Variants in PKHD1 observed in about 807,000 individuals in gnomAD.
PKHD1 encodes the protein fibrocystin.
A neutral mutation model predicts 412.0 loss-of-function variants in PKHD1; 291 were observed. The ratio of observed to expected loss-of-function variants is 0.71; its 90% CI spans 0.64 to 0.78. PKHD1 has a LOEUF of 0.78. Among genes scored for constraint, PKHD1 ranks in the 30% least tolerant of loss-of-function variants. The pLI, the probability that PKHD1 is intolerant of heterozygous loss-of-function variation, is 0.00. For synonymous variants in PKHD1, 1,777 were observed against 1,821.5 expected (o/e 0.98, Z 0.62); for missense variants, 4,825 against 4,950.7 (o/e 0.97, Z 0.76).
intron 36 of PKHD1, among the ~76,000 whole-genome samples, chr6:51,955,106 A>G (rs1790913316): frequency 1.3e-5 from 2 of 152,102 alleles, no homozygotes; most frequent in Admixed American, 1.3e-4. Context: ...AATTAACTAA[A>G]TCAAGGCAAT....
chr6:51,834,169 A>C (rs1177343906), intron 51 of PKHD1, among the ~76,000 whole-genome samples: 1 of 152,118 alleles, frequency 6.6e-6, no homozygotes, highest in Non-Finnish European at 1.5e-5. Context: ...TTTTGTTTTT[A>C]AATGGGAGGC....
At chr6:51,625,578 C>T (rs1457715266) in intron 66 of PKHD1, among the ~76,000 whole-genome samples, 1 of 152,148 alleles carries the variant, frequency 6.6e-6, no homozygotes, top group Non-Finnish European at 1.5e-5. Context: ...AACTTTTCCA[C>T]AGAGCCCTTT....
rs373157693 is a variant in PKHD1, at chr6:52,033,680, G to A, written c.3229-515C>T. Among the ~76,000 whole-genome samples the A allele has an allele frequency of 5.9e-5, 9 of 151,714 alleles. 2 individuals carry two copies. Among genetic ancestry groups the A allele is most frequent in the East Asian group, 5.8e-4 (3 of 5,176 alleles). On this transcript the variant is annotated intron_variant, in intron 28 of 66. Transcript: ENST00000371117. ...AACCCAAGAAACAGTGACTACTCAA[G>A]AAAGCAATCAAAGTAAGTACTAGGA...
chr6:51,999,957 CT>C (rs1798150054), intron 35 of PKHD1, among the ~76,000 whole-genome samples: 1 of 152,152 alleles, frequency 6.6e-6, no homozygotes, highest in Non-Finnish European at 1.5e-5. Context: ...ATCTGAGACC[CT>C]TCATACCTGG....
chr6:51,746,899 T>C lies in PKHD1; in HGVS notation c.9830-10A>G. The stretch of plus-strand genomic sequence containing the variant: ...CTAGAAAAGGTAACATCTGAAATTT[T>C]AAAAATATGTATCATAATATTATAT... On this transcript the variant is annotated splice_polypyrimidine_tract_variant and intron_variant, in intron 58 of 66. Coordinates refer to ENST00000371117, the MANE Select transcript of PKHD1 (RefSeq NM_138694.4). 6.7e-7 allele frequency: 1 copy of C among 1,481,928 alleles called. No individual in the cohort carries two copies. Among genetic ancestry groups the C allele is most frequent in the Admixed American group, 1.7e-5 (1 of 58,010 alleles). The allele number at this position is 1,481,928 out of a possible 1,614,324, so 91.8% of individuals were successfully genotyped here. A position where few individuals can be genotyped will look rare whatever the true frequency, so the allele number is the denominator to read the frequency against.
chr6:51,704,864 G>A (rs1779831048), intron 60 of PKHD1, among the ~76,000 whole-genome samples: 1 of 151,990 alleles, frequency 6.6e-6, no homozygotes, highest in African/African-American at 2.4e-5. Flanking sequence ...GATAAGATCA[G>A]GAGGAGAAAA....
At chr6:51,872,866 C>A (rs1310852235) in intron 46 of PKHD1, among the ~76,000 whole-genome samples, 1 of 143,658 alleles carries the variant, frequency 7.0e-6, no homozygotes, top group African/African-American at 2.6e-5. Flanking sequence ...TTTCACCTTC[C>A]ATCGTTTCCT....
chr6:52,058,631 T>C lies in PKHD1; in HGVS notation c.1234-30A>G, dbSNP rs768171894. 8 of 1,608,584 alleles carry C rather than the reference T, an allele frequency of 5.0e-6. No individual in the cohort carries two copies. The Admixed American group carries it at 1.0e-4, about 20-fold the overall frequency. On this transcript the variant is annotated intron_variant, in intron 15 of 66. Transcript: ENST00000371117. ...GCCCAAATAAGCATATCATGATCAA[T>C]ACTATGCAGCTTCCAGGCATCTCTT...
At position 51,652,869 on chromosome 6, in the gene PKHD1, C is replaced by T. The variant is rs1413914670; in HGVS notation, c.11175-3649G>A. ...CTGGGATTACAGGCGTGAGCCACCG[C>T]GCCCGGCCTATCTCTCTTGTTTTAA... On this transcript the variant is annotated intron_variant, in intron 61 of 66. Transcript: ENST00000371117. 3.3e-3 allele frequency among the ~76,000 whole-genome samples: 4 copies of T among 1,198 alleles called. 2 individuals are homozygous for T. In the Admixed American group the frequency reaches 0.051, roughly 15 times the overall value. The allele number at this position is 1,198 out of a possible 152,430, so 0.8% of individuals were successfully genotyped here. A position where few individuals can be genotyped will look rare whatever the true frequency, so the allele number is the denominator to read the frequency against.
At chr6:52,037,813 C>T (rs1186957833) in intron 27 of PKHD1, among the ~76,000 whole-genome samples, 1 of 152,098 alleles carries the variant, frequency 6.6e-6, no homozygotes, top group East Asian at 1.9e-4. Flanking sequence ...CCTCTTGACC[C>T]AGCAATTCAA....
chr6:51,639,387 A>G (rs1769038297), intron 63 of PKHD1, among the ~76,000 whole-genome samples: 1 of 152,074 alleles, frequency 6.6e-6, no homozygotes, highest in African/African-American at 2.4e-5. Context: ...TATATAAAGA[A>G]AGAAATTCTA....
rs1302067158 is a variant in PKHD1 at position 51,981,304 on chromosome 6, GCTCAAGCTCTCCCTCTCCCTCTCC to G, written c.5752-21302_5752-21279del. ...AGAGCCCTTTTAGAGAGGCTCCAAAGCTCAAGCTCTCCCTCTCCCTCTCCCTCTCCCTCTCCCTCTCCCTCTCCC... is the reference window on the plus strand; with the variant it reads ...AGAGCCCTTTTAGAGAGGCTCCAAAGCTCTCCCTCTCCCTCTCCCTCTCCC... On this transcript the variant is annotated intron_variant, in intron 35 of 66. Coordinates refer to ENST00000371117, the MANE Select transcript of PKHD1 (RefSeq NM_138694.4). 7.3e-3 allele frequency among the ~76,000 whole-genome samples: 161 copies of G among 22,028 alleles called. 7 individuals carry two copies. Among genetic ancestry groups the G allele is most frequent in the Non-Finnish European group, 0.016 (110 of 6,720 alleles). 14.5% of individuals were successfully genotyped at this position (22,028 alleles called of 152,430 possible).
intron 51 of PKHD1, among the ~76,000 whole-genome samples, chr6:51,835,613 CAA>C (rs1489827012): frequency 1.3e-5 from 2 of 152,126 alleles, no homozygotes; most frequent in African/African-American, 2.4e-5. Context: ...ACATAAAAAA[CAA>C]AGTGTGGTGG....
intron 60 of PKHD1, among the ~76,000 whole-genome samples, chr6:51,708,902 GA>G (rs1347874295): frequency 2.6e-5 from 4 of 152,170 alleles, no homozygotes; most frequent in African/African-American, 9.6e-5. Flanking sequence ...AAGAAAAAGA[GA>G]AAAAGAACAG....
chr6:51,787,362 GA>G (rs568684500), intron 53 of PKHD1, among the ~76,000 whole-genome samples: 96 of 133,810 alleles, frequency 7.2e-4, no homozygotes, highest in Middle Eastern at 3.8e-3. Context: ...TCCATCTCAA[GA>G]AAAAAAAAAA....
At chr6:52,062,496 C>T (rs972413868) in intron 14 of PKHD1, 23 bp downstream of exon 14, 1 of 1,613,468 alleles carries the variant, frequency 6.2e-7, no homozygotes, top group East Asian at 2.2e-5. Context: ...TTGATGTGGG[C>T]TCCCACTTTT....
intron 37 of PKHD1, among the ~76,000 whole-genome samples, chr6:51,924,343 CTGAAGCATGAGGG>C (rs1479926048): frequency 6.6e-6 from 1 of 152,120 alleles, no homozygotes; most frequent in Non-Finnish European, 1.5e-5. Flanking sequence ...AAGACTACTA[CTGAAGCATGAGGG>C]TGGCCAAGGG....
At chr6:51,826,088 T>G (rs572171206) in intron 52 of PKHD1, among the ~76,000 whole-genome samples, 3 of 151,084 alleles carry the variant, frequency 2.0e-5, no homozygotes, top group African/African-American at 4.9e-5. Flanking sequence ...CAAGATTTCA[T>G]AGAATTCCTC....
Position 51,940,675 on chromosome 6 carries a change from T to C in PKHD1, c.5909-6353A>G, listed in dbSNP as rs1314167489. 5.9e-5 allele frequency among the ~76,000 whole-genome samples: 9 copies of C among 151,636 alleles called. No individual in the cohort carries two copies. In the East Asian group the frequency reaches 1.5e-3, roughly 26 times the overall value. ...TGAAGACTGATACTGCCCGATTGCC[T>C]CGGAAGCCTACAGGACCATCGCAGA... On this transcript the variant is annotated intron_variant, in intron 36 of 66. Transcript: ENST00000371117.
Sources: gnomAD v4.1 joint callset for allele counts (sites outside exome capture counted in the v4.1 genomes callset) on GRCh38, gnomAD v4.1.1 for gene constraint, MANE v1.5 for transcripts, NCBI Gene and HGNC (gene_info 2026-07-23, HGNC 2026-07-21) for gene names.